The following DCT variants were observed in gnomAD, a reference collection of about 807,000 sequenced individuals.
DCT encodes L-dopachrome tautomerase.
In DCT, 47 loss-of-function variants were observed where a neutral mutation model predicts 53.0. The observed-to-expected ratio is 0.89, with a 90% CI of 0.70 to 1.13. The LOEUF (loss-of-function observed/expected upper bound fraction) is 1.13. Ranked by LOEUF, DCT falls within the 50% of genes most tolerant of loss-of-function variation. DCT has a pLI of 0.00. For synonymous variants in DCT, 244 were observed against 237.0 expected (o/e 1.03, Z -0.27); for missense variants, 669 against 637.4 (o/e 1.05, Z -0.53).
chr13:94,461,939 C>T (rs970140852), intron 5 of DCT, 71 bp downstream of exon 5: 1 of 1,389,828 alleles, frequency 7.2e-7, no homozygotes, highest in African/African-American at 1.4e-5. Context: ...GGTTTCCTTC[C>T]AGTTCTTTAC....
At chr13:94,500,776 A>G in the DCT span, among the ~76,000 whole-genome samples, 1 of 152,260 alleles carries the variant, frequency 6.6e-6, no homozygotes, top group African/African-American at 2.4e-5. Context: ...TTTCTTGGCT[A>G]TTAGAATAAT....
At chr13:94,511,241 GA>G in the DCT span, among the ~76,000 whole-genome samples, 1 of 151,982 alleles carries the variant, frequency 6.6e-6, no homozygotes, top group Non-Finnish European at 1.5e-5. Flanking sequence ...CAGCTACATT[GA>G]ACTGCTGATT....
chr13:94,488,784 TACATATACACAC>T, the DCT span, among the ~76,000 whole-genome samples: 5 of 148,994 alleles, frequency 3.4e-5, no homozygotes, highest in South Asian at 6.4e-4. Flanking sequence ...TATATATACA[TACATATACACAC>T]ACATATACAC....
chr13:94,535,128 T>G, the DCT span, among the ~76,000 whole-genome samples: 1 of 152,384 alleles, frequency 6.6e-6, no homozygotes, highest in South Asian at 2.1e-4. Context: ...TGTTCAAATA[T>G]CTGGCCTTAC....
At chr13:94,462,534 A>G (rs955456258) in intron 4 of DCT, among the ~76,000 whole-genome samples, 8 of 151,972 alleles carry the variant, frequency 5.3e-5, no homozygotes, top group Non-Finnish European at 1.0e-4. Context: ...ACAAAAAATG[A>G]TATGTCTTAA....
At chr13:94,501,031 C>T in the DCT span, among the ~76,000 whole-genome samples, 3 of 152,106 alleles carry the variant, frequency 2.0e-5, no homozygotes, top group Admixed American at 6.5e-5. Flanking sequence ...CTTTGGGAGG[C>T]TGAGGCGGGC....
chr13:94,443,980 C>T (rs954022727), intron 6 of DCT, among the ~76,000 whole-genome samples: 1 of 152,058 alleles, frequency 6.6e-6, no homozygotes. Flanking sequence ...ACATTTGAGG[C>T]CTTCAACATA....
At chr13:94,445,839 G>A (rs376642164) in intron 6 of DCT, 86 of 1,029,738 alleles carry the variant, frequency 8.4e-5, no homozygotes, top group Non-Finnish European at 1.2e-4. Flanking sequence ...GGGACCCGCT[G>A]CCCCATGCAG....
At chr13:94,459,311 C>T (rs1883622921) in intron 6 of DCT, among the ~76,000 whole-genome samples, 1 of 152,186 alleles carries the variant, frequency 6.6e-6, no homozygotes, top group Non-Finnish European at 1.5e-5. Flanking sequence ...TGTATTATTA[C>T]ATGTCAGAGG....
rs977694107 is a variant in DCT, at chr13:94,439,765, A to G, written c.*133T>C. ...TACAGCTAAGCATCTTCTGAATGAGATCATCATCACTATAGAAGAACCTAT... is the reference window on the plus strand; with the variant it reads ...TACAGCTAAGCATCTTCTGAATGAGGTCATCATCACTATAGAAGAACCTAT... On this transcript the variant is annotated 3_prime_UTR_variant, in exon 8 of 8. Transcript: ENST00000377028. 1.2e-5 allele frequency: 8 copies of G among 650,090 alleles called. No homozygotes were observed. Among genetic ancestry groups the G allele is most frequent in the Non-Finnish European group, 2.0e-5 (8 of 397,828 alleles). The allele number at this position is 650,090 out of a possible 1,614,324, so 40.3% of individuals were successfully genotyped here. A position where few individuals can be genotyped will look rare whatever the true frequency, so the allele number is the denominator to read the frequency against.
chr13:94,439,750 C>T lies in DCT; in HGVS notation c.*148G>A, dbSNP rs1882143525. The T allele has an allele frequency of 3.5e-6, 2 of 573,384 alleles. No individual in the cohort carries two copies. The highest frequency in any genetic ancestry group is 5.8e-6 in the Non-Finnish European group (2 of 343,548). 35.5% of individuals were successfully genotyped at this position (573,384 alleles called of 1,614,324 possible). A position where few individuals can be genotyped will look rare whatever the true frequency, so the allele number is the denominator to read the frequency against. ...AAGCAAAGCGGAAACTACAGCTAAGCATCTTCTGAATGAGATCATCATCAC... is the reference window on the plus strand; with the variant it reads ...AAGCAAAGCGGAAACTACAGCTAAGTATCTTCTGAATGAGATCATCATCAC... On this transcript the variant is annotated 3_prime_UTR_variant, in exon 8 of 8. Coordinates refer to ENST00000377028, the MANE Select transcript of DCT (RefSeq NM_001922.5).
At chr13:94,495,316 C>T in the DCT span, among the ~76,000 whole-genome samples, 9 of 152,260 alleles carry the variant, frequency 5.9e-5, no homozygotes, top group East Asian at 7.7e-4. Flanking sequence ...GGGCTGGTTT[C>T]GAACTCCTGA....
intron 1 of DCT, among the ~76,000 whole-genome samples, chr13:94,476,526 C>T (rs552551956): frequency 6.5e-4 from 93 of 143,580 alleles, no homozygotes; most frequent in Non-Finnish European, 8.7e-4. Flanking sequence ...GCCCAGGCTG[C>T]GTGCAGTGGC....
At chr13:94,521,973 A>G in the DCT span, among the ~76,000 whole-genome samples, 1 of 152,220 alleles carries the variant, frequency 6.6e-6, no homozygotes, top group African/African-American at 2.4e-5. Flanking sequence ...GACATTTCAT[A>G]TCAATGGAAC....
chr13:94,514,789 GCAGA>G, the DCT span, among the ~76,000 whole-genome samples: 67 of 152,188 alleles, frequency 4.4e-4, 2 homozygotes, highest in Admixed American at 3.9e-4. Context: ...AAATTAGACT[GCAGA>G]CAGTGAGGAG....
At chr13:94,531,890 A>G in the DCT span, among the ~76,000 whole-genome samples, 1 of 152,216 alleles carries the variant, frequency 6.6e-6, no homozygotes, top group African/African-American at 2.4e-5. Context: ...CAATCTACCT[A>G]TCTAACAAAG....
the DCT span, among the ~76,000 whole-genome samples, chr13:94,547,984 A>AAAAAAAAAAAAATATATATATATATATAT: frequency 1.5e-5 from 1 of 65,844 alleles, no homozygotes; most frequent in African/African-American, 1.3e-4. Flanking sequence ...AAAAAAAAAA[A>AAAAAAAAAAAAATATATATATATATATAT]ATATATATAT....
intron 4 of DCT, among the ~76,000 whole-genome samples, chr13:94,463,497 T>C (rs1883955956): frequency 6.6e-6 from 1 of 151,854 alleles, no homozygotes. Context: ...ACCATGTTGG[T>C]CAGGCTGGTC....
chr13:94,527,974 G>A, the DCT span, among the ~76,000 whole-genome samples: 18 of 152,188 alleles, frequency 1.2e-4, no homozygotes, highest in South Asian at 1.0e-3. Flanking sequence ...ACCATGGCAC[G>A]AGAACTTCGT....
Sources: allele counts gnomAD v4.1 joint callset (sites outside exome capture counted in the v4.1 genomes callset), GRCh38; gene constraint gnomAD v4.1.1; transcripts MANE v1.5; gene names NCBI Gene and HGNC (gene_info 2026-07-23, HGNC 2026-07-21).